SLC24A2: variants seen among roughly 807,000 people sequenced by gnomAD.
SLC24A2 encodes the protein sodium/potassium/calcium exchanger 2.
In SLC24A2, 36 loss-of-function variants were observed where a neutral mutation model predicts 62.0. That is an observed-to-expected ratio of 0.58 (90% CI 0.44 to 0.77). The LOEUF is 0.77. Among genes scored for constraint, SLC24A2 ranks in the 30% least tolerant of loss-of-function variants. SLC24A2 has a pLI of 0.00. For missense variants in SLC24A2, 846 were observed against 817.9 expected (o/e 1.03, Z -0.42); for synonymous variants, 358 against 294.0 (o/e 1.22, Z -2.23).
chr9:19,555,552 A>T (rs758476257), intron 7 of SLC24A2, among the ~76,000 whole-genome samples: 2 of 152,196 alleles, frequency 1.3e-5, no homozygotes, highest in Non-Finnish European at 2.9e-5. Context: ...TTTTGTAAGT[A>T]GCCTCGAATC....
At chr9:20,131,176 AG>A in the SLC24A2 span, among the ~76,000 whole-genome samples, 439 of 152,252 alleles carry the variant, frequency 2.9e-3, 3 homozygotes, top group African/African-American at 0.01. Flanking sequence ...GCACACAAGG[AG>A]AGCAAAGACT....
At chr9:19,986,235 C>T in the SLC24A2 span, among the ~76,000 whole-genome samples, 1 of 152,142 alleles carries the variant, frequency 6.6e-6, no homozygotes. Context: ...TACCACTTCA[C>T]ACCCACTAGG....
chr9:19,972,743 T>G, the SLC24A2 span, among the ~76,000 whole-genome samples: 171 of 152,330 alleles, frequency 1.1e-3, 4 homozygotes, highest in East Asian at 0.031. Context: ...GTATTTTTCC[T>G]CAAATGGATT....
intron 2 of SLC24A2, among the ~76,000 whole-genome samples, chr9:19,651,131 C>T (rs1818789775): frequency 6.6e-6 from 1 of 152,168 alleles, no homozygotes; most frequent in African/African-American, 2.4e-5. Context: ...CCGATTACCT[C>T]ATCTGCAGTT....
At chr9:20,229,400 A>T in the SLC24A2 span, among the ~76,000 whole-genome samples, 1 of 152,178 alleles carries the variant, frequency 6.6e-6, no homozygotes, top group Non-Finnish European at 1.5e-5. Flanking sequence ...TATATAAAGA[A>T]CTTACAACAG....
chr9:19,778,508 T>C lies in SLC24A2; in HGVS notation c.930+7429A>G, dbSNP rs147672518. On this transcript the variant is annotated intron_variant, in intron 2 of 10. Coordinates refer to ENST00000341998, the MANE Select transcript of SLC24A2 (RefSeq NM_020344.4). ...AAGGGAGATGGTAGGATGTGTCTATTTGAGTCTTGGTTTTTAGTGCTGCTG... is the reference window on the plus strand; with the variant it reads ...AAGGGAGATGGTAGGATGTGTCTATCTGAGTCTTGGTTTTTAGTGCTGCTG... Among the ~76,000 whole-genome samples, 10 of 152,312 alleles carry C rather than the reference T, an allele frequency of 6.6e-5. No homozygotes were observed. In the East Asian group the frequency reaches 1.4e-3, roughly 21 times the overall value.
chr9:19,661,195 AC>A (rs1329874183), intron 2 of SLC24A2, among the ~76,000 whole-genome samples: 1 of 124,954 alleles, frequency 8.0e-6, no homozygotes, highest in African/African-American at 2.6e-5. Flanking sequence ...GACTTAAATG[AC>A]CTTTTTTTTT....
intron 8 of SLC24A2, among the ~76,000 whole-genome samples, chr9:19,541,522 GTC>G (rs1834254604): frequency 8.4e-6 from 1 of 119,170 alleles, no homozygotes; most frequent in Non-Finnish European, 1.6e-5. Flanking sequence ...CTGCTCGGGG[GTC>G]AGGGGTCAGG....
the SLC24A2 span, among the ~76,000 whole-genome samples, chr9:19,890,542 G>A: frequency 6.6e-6 from 1 of 152,110 alleles, no homozygotes; most frequent in Non-Finnish European, 1.5e-5. Context: ...TTTATTGGTT[G>A]GGTTTTTCTC....
chr9:20,302,772 C>T, the SLC24A2 span, among the ~76,000 whole-genome samples: 5 of 152,050 alleles, frequency 3.3e-5, no homozygotes, highest in Admixed American at 2.0e-4. Context: ...TGGATTGTGC[C>T]TTTGGTGGTG....
chr9:19,890,862 T>C, the SLC24A2 span, among the ~76,000 whole-genome samples: 6 of 152,148 alleles, frequency 3.9e-5, no homozygotes, highest in African/African-American at 1.4e-4. Flanking sequence ...CTCCAGTACC[T>C]TTCTCATTAG....
the SLC24A2 span, among the ~76,000 whole-genome samples, chr9:20,064,176 G>A: frequency 1.7e-3 from 260 of 152,238 alleles, 1 homozygote; most frequent in Middle Eastern, 3.4e-3. Context: ...TTAAAATATG[G>A]ATGGACCTCA....
chr9:20,238,085 G>C, the SLC24A2 span, among the ~76,000 whole-genome samples: 1 of 152,150 alleles, frequency 6.6e-6, no homozygotes, highest in Non-Finnish European at 1.5e-5. Flanking sequence ...ACTGACATGT[G>C]GGTGGTCCAG....
At chr9:20,172,458 G>T in the SLC24A2 span, among the ~76,000 whole-genome samples, 108 of 151,876 alleles carry the variant, frequency 7.1e-4, no homozygotes, top group Non-Finnish European at 1.4e-3. Flanking sequence ...ATTAGCAAGA[G>T]TAACCAAGAA....
At position 19,561,408 on chromosome 9, in the gene SLC24A2, C is replaced by T. The variant is rs897088214; in HGVS notation, c.1348-11140G>A. Among the ~76,000 whole-genome samples the T allele has an allele frequency of 2.5e-4, 38 of 150,516 alleles. 1 individual carries two copies. Among genetic ancestry groups the T allele is most frequent in the African/African-American group, 7.1e-4 (29 of 40,952 alleles). ...CTTCTGTGTGAACATCCTAAACCAA[C>T]AGAGCTAACAGTTAAGTGGAAAACA... On this transcript the variant is annotated intron_variant, in intron 7 of 10. Coordinates refer to ENST00000341998, the MANE Select transcript of SLC24A2 (RefSeq NM_020344.4).
intron 2 of SLC24A2, among the ~76,000 whole-genome samples, chr9:19,683,274 T>A (rs1206177927): frequency 6.6e-6 from 1 of 152,148 alleles, no homozygotes; most frequent in African/African-American, 2.4e-5. Context: ...TGAACAATTA[T>A]AAAACTGATA....
At chr9:19,709,032 C>G (rs1303250323) in intron 2 of SLC24A2, among the ~76,000 whole-genome samples, 28 of 152,128 alleles carry the variant, frequency 1.8e-4, no homozygotes, top group Admixed American at 1.8e-3. Flanking sequence ...TATCCAGAAT[C>G]TACAATGAAC....
chr9:19,618,938 T>A (rs1280997584), intron 4 of SLC24A2, among the ~76,000 whole-genome samples: 1 of 152,228 alleles, frequency 6.6e-6, no homozygotes. Context: ...GGCCTCATTG[T>A]GACTGAGTAA....
At chr9:19,990,023 G>A in the SLC24A2 span, among the ~76,000 whole-genome samples, 4 of 152,292 alleles carry the variant, frequency 2.6e-5, no homozygotes, top group Middle Eastern at 3.4e-3. Context: ...AGACTGGTGA[G>A]CTAGGGCTCA....
Sources: gnomAD v4.1 joint callset for allele counts (sites outside exome capture counted in the v4.1 genomes callset) on GRCh38, gnomAD v4.1.1 for gene constraint, MANE v1.5 for transcripts, NCBI Gene and HGNC (gene_info 2026-07-23, HGNC 2026-07-21) for gene names.